DCHS2: variants seen among roughly 807,000 people sequenced by gnomAD.
DCHS2 encodes protocadherin-23.
In DCHS2, 142 loss-of-function variants were observed where a neutral mutation model predicts 182.4. The ratio of observed to expected loss-of-function variants is 0.78; its 90% confidence interval spans 0.68 to 0.89. The LOEUF is 0.89. Among genes scored for constraint, DCHS2 ranks in the 40% least tolerant of loss-of-function variants. The pLI, the probability that DCHS2 is intolerant of heterozygous loss-of-function variation, is 0.00. For synonymous variants in DCHS2, 1,740 were observed against 1,663.3 expected, an observed-to-expected ratio of 1.05 and a Z score of -1.12; for missense variants, 4,319 against 4,198.6, an observed-to-expected ratio of 1.03 and a Z score of -0.79.
chr4:154,481,203 C>T (rs1399228032), intron 1 of DCHS2, among the ~76,000 whole-genome samples: 4 of 152,094 alleles, frequency 2.6e-5, no homozygotes, highest in Non-Finnish European at 1.5e-5. Context: ...TATCTCTAGC[C>T]ATTTAACATG....
Position 154,489,729 on chromosome 4 carries a change from G to A in DCHS2, c.1627C>T (p.His543Tyr). 6.4e-7 allele frequency: 1 copy of A among 1,551,672 alleles called. No individual in the cohort carries two copies. Among genetic ancestry groups the A allele is most frequent in the Non-Finnish European group, 8.7e-7 (1 of 1,146,966 alleles). ...GCCTCGGACACTGAGGCCTTGTAAT[G>A]CTGTTGGCTGAAGAGAGGTGGTTGG... ...NDQPPLFSQQHYKASVSEAAA... is the reference protein window; with the variant it reads ...NDQPPLFSQQYYKASVSEAAA... Residue 543 changes from histidine to tyrosine, a missense_variant, in exon 1 of 20, where the codon CAT (histidine) becomes TAT (tyrosine). Transcript: ENST00000357232.
At chr4:154,479,928 A>C (rs1475435730) in intron 1 of DCHS2, among the ~76,000 whole-genome samples, 1 of 152,222 alleles carries the variant, frequency 6.6e-6, no homozygotes, top group East Asian at 1.9e-4. Flanking sequence ...AGATGAGTCC[A>C]GGAAATATAT....
At chr4:154,291,002 AC>A (rs1734633376) in intron 13 of DCHS2, among the ~76,000 whole-genome samples, 1 of 152,062 alleles carries the variant, frequency 6.6e-6, no homozygotes, top group South Asian at 2.1e-4. Context: ...TGAAGCGACA[AC>A]CCACTGAAGG....
chr4:154,349,078 A>C (rs1472991380), intron 3 of DCHS2, among the ~76,000 whole-genome samples: 1 of 152,042 alleles, frequency 6.6e-6, no homozygotes, highest in African/African-American at 2.4e-5. Context: ...TATTGCCAAA[A>C]GACAAAATGA....
Position 154,491,709 on chromosome 4 carries a change from G to A in DCHS2, c.-354C>T. The A allele has an allele frequency of 9.1e-7, 1 of 1,094,032 alleles. No individual in the cohort carries two copies. Among genetic ancestry groups the A allele is most frequent in the Non-Finnish European group, 1.1e-6 (1 of 901,584 alleles). 67.8% of individuals were successfully genotyped at this position (1,094,032 alleles called of 1,614,324 possible). A position where few individuals can be genotyped will look rare whatever the true frequency, so the allele number is the denominator to read the frequency against. ...TTGTTCCCCCCTGGTAAAGTCAGGT[G>A]CATTATTTCTTTTGCCAAAAAGGAG... On this transcript the variant is annotated 5_prime_UTR_variant, in exon 1 of 20. Transcript: ENST00000357232.
At chr4:154,327,865 C>T (rs142736880) in intron 7 of DCHS2, among the ~76,000 whole-genome samples, 69 of 152,176 alleles carry the variant, frequency 4.5e-4, no homozygotes, top group African/African-American at 1.4e-3. Flanking sequence ...CTATTAAGAA[C>T]GTAAAAAGCT....
Position 154,490,363 on chromosome 4 carries a change from C to T in DCHS2, c.993G>A (p.Val331=), listed in dbSNP as rs1728768159. The change falls in exon 1 of 20, where the codon GTG becomes GTA. Residue 331 remains valine (V), a synonymous_variant. Coordinates refer to ENST00000357232, the MANE Select transcript of DCHS2 (RefSeq NM_001358235.2). ...TDRDLGPNGF[V]RYSVRARQVP... is the part of the protein sequence containing the mutation. ...CTTGCCGGGCGCGGACGCTGTAGCG[C>T]ACGAAGCCATTGGGCCCCAGGTCGC... 1.3e-6 allele frequency: 2 copies of T among 1,537,770 alleles called. No individual in the cohort carries two copies. Among genetic ancestry groups the T allele is most frequent in the South Asian group, 2.4e-5 (2 of 83,888 alleles).
At chr4:154,266,722 G>C (rs1733288360) in intron 14 of DCHS2, among the ~76,000 whole-genome samples, 1 of 151,406 alleles carries the variant, frequency 6.6e-6, no homozygotes, top group African/African-American at 2.4e-5. Flanking sequence ...TTATAATCCT[G>C]TGATCATATG....
intron 1 of DCHS2, chr4:154,391,020 G>A (rs1473807944): frequency 6.2e-6 from 4 of 645,518 alleles, no homozygotes; most frequent in Non-Finnish European, 7.6e-6. Context: ...ATTCATGAGA[G>A]GATCCTAGCT....
At chr4:154,370,948 C>T (rs936089674) in intron 2 of DCHS2, among the ~76,000 whole-genome samples, 8 of 152,188 alleles carry the variant, frequency 5.3e-5, no homozygotes, top group South Asian at 2.1e-4. Flanking sequence ...TTAAAGTGGA[C>T]GTGCTACAGT....
Position 154,235,704 on chromosome 4 carries a change from T to C in DCHS2, c.8948A>G (p.Glu2983Gly). 1.9e-6 allele frequency: 3 copies of C among 1,614,012 alleles called. No homozygotes were observed. The highest frequency in any genetic ancestry group is 2.5e-6 in the Non-Finnish European group (3 of 1,179,952). Reference sequence around the variant, plus strand: ...GGCGAACACTGCCAAGGGTGTTCCTTCAGAGGAGAAAGACACATTCACAAA... The same window carrying C: ...GGCGAACACTGCCAAGGGTGTTCCTCCAGAGGAGAAAGACACATTCACAAA... ...TVFVNVSFSS[E>G]GTPLAVFASS... Residue 2983 changes from glutamate (E) to glycine (G), a missense_variant, in exon 20 of 20, where the codon GAA (glutamate) becomes GGA (glycine). Glu to Gly is a moderately conservative substitution (Grantham distance 98, BLOSUM62 -2). Coordinates refer to ENST00000357232, the MANE Select transcript of DCHS2 (RefSeq NM_001358235.2).
chr4:154,473,395 G>T (rs1416793502), intron 1 of DCHS2, among the ~76,000 whole-genome samples: 1 of 152,216 alleles, frequency 6.6e-6, no homozygotes, highest in Non-Finnish European at 1.5e-5. Context: ...TGCAAGGAAA[G>T]AAGTTACTAT....
intron 1 of DCHS2, among the ~76,000 whole-genome samples, chr4:154,488,497 A>G (rs979758771): frequency 6.6e-6 from 1 of 152,184 alleles, no homozygotes; most frequent in Non-Finnish European, 1.5e-5. Context: ...GTCTCTGGAA[A>G]AGGTAACTCA....
At chr4:154,273,859 T>C (rs1044150100) in intron 13 of DCHS2, among the ~76,000 whole-genome samples, 1 of 152,108 alleles carries the variant, frequency 6.6e-6, no homozygotes, top group Admixed American at 6.6e-5. Flanking sequence ...CACACTGTCC[T>C]GATTGGGGAG....
In DCHS2 at chr4:154,235,614, A is replaced by T; in HGVS notation, c.9038T>A (p.Ile3013Asn). 1 of 1,613,956 alleles carries T rather than the reference A, an allele frequency of 6.2e-7. No homozygotes were observed. The highest frequency in any genetic ancestry group is 8.5e-7 in the Non-Finnish European group (1 of 1,179,944). ...LVFLILICIL[I>N]VMILRHKQKD... Reference sequence around the variant, plus strand: ...TTGTTTATGTCTTAAAATCATTACAATTAGAATGCAGATGAGTATCAGAAA... The same window carrying T: ...TTGTTTATGTCTTAAAATCATTACATTTAGAATGCAGATGAGTATCAGAAA... The change falls in exon 20 of 20, where the codon ATT becomes AAT. Residue 3013 changes from isoleucine (I) to asparagine (N), a missense_variant. By Grantham distance (149) the Ile-to-Asn change is moderately radical. Transcript: ENST00000357232.
chr4:154,296,955 G>A (rs1463407185), intron 13 of DCHS2, among the ~76,000 whole-genome samples: 1 of 152,186 alleles, frequency 6.6e-6, no homozygotes, highest in African/African-American at 2.4e-5. Flanking sequence ...AACACTGGTA[G>A]GTGGATTTAC....
chr4:154,319,079 T>C (rs780177887), intron 9 of DCHS2, among the ~76,000 whole-genome samples: 15 of 152,124 alleles, frequency 9.9e-5, no homozygotes, highest in Non-Finnish European at 4.4e-5. Flanking sequence ...AGGTTTCCAA[T>C]ACTACACTTT....
chr4:154,486,582 G>A, intron 1 of DCHS2: 1 of 1,283,976 alleles, frequency 7.8e-7, no homozygotes, highest in Non-Finnish European at 1.0e-6. Flanking sequence ...AGGAATGTAT[G>A]TAATGTCATT....
chr4:154,367,509 C>T (rs1579013429), intron 2 of DCHS2, among the ~76,000 whole-genome samples: 1 of 152,090 alleles, frequency 6.6e-6, no homozygotes, highest in Non-Finnish European at 1.5e-5. Flanking sequence ...GTGTTGCCTC[C>T]ATCTAAAATC....
Sources: allele counts gnomAD v4.1 joint callset (sites outside exome capture counted in the v4.1 genomes callset), GRCh38; gene constraint gnomAD v4.1.1; transcripts MANE v1.5; gene names NCBI Gene and HGNC (gene_info 2026-07-23, HGNC 2026-07-21).